The following FANCI variants were observed in gnomAD, a reference collection of about 807,000 sequenced individuals.
FANCI encodes FA complementation group I, also known as Fanconi anemia group I protein.
FANCI carries 156 observed loss-of-function variants against 176.1 expected under a neutral mutation model. The ratio of observed to expected loss-of-function variants is 0.89; its 90% CI spans 0.78 to 1.01. The LOEUF is 1.01. FANCI is among the 50% of genes least tolerant of loss of function. The pLI is 0.00. For synonymous variants in FANCI, 613 were observed against 541.7 expected (o/e 1.13, Z -1.83); for missense variants, 1,678 against 1,534.1 (o/e 1.09, Z -1.57).
intron 24 of FANCI, among the ~76,000 whole-genome samples, chr15:89,298,674 GAGA>G (rs1190585652): frequency 1.3e-5 from 2 of 152,192 alleles, no homozygotes; most frequent in African/African-American, 4.8e-5. Flanking sequence ...CTGGTTCTTT[GAGA>G]AGATCAATAA....
At chr15:89,282,054 C>T (rs2053634501) in intron 16 of FANCI, 1 of 526,908 alleles carries the variant, frequency 1.9e-6, no homozygotes, top group Admixed American at 3.1e-5. Context: ...ATTGCAATTC[C>T]CATTTTACAG....
chr15:89,314,483 C>T, intron 35 of FANCI, 129 bp from the exon 36 acceptor site: 2 of 751,102 alleles, frequency 2.7e-6, no homozygotes, highest in Non-Finnish European at 2.3e-6. Context: ...TACTGGTATA[C>T]AACTGCATTT....
chr15:89,305,046 G>A (rs2054664654), intron 28 of FANCI, 69 bp from the exon 29 acceptor site: 6 of 1,593,128 alleles, frequency 3.8e-6, no homozygotes, highest in Non-Finnish European at 5.1e-6. Flanking sequence ...AAAGTGCTGG[G>A]ATTACAGGCG....
chr15:89,290,901 T>A (rs1389116508), intron 19 of FANCI, among the ~76,000 whole-genome samples: 1 of 152,202 alleles, frequency 6.6e-6, no homozygotes, highest in Non-Finnish European at 1.5e-5. Context: ...TCCCATACTG[T>A]CCATCAAAAG....
chr15:89,260,583 C>G, intron 3 of FANCI, 130 bp from the exon 4 acceptor site: 1 of 1,223,200 alleles, frequency 8.2e-7, no homozygotes, highest in Non-Finnish European at 1.2e-6. Flanking sequence ...CATTGCTGTT[C>G]TAAGCACCGT....
intron 14 of FANCI, 21 bp downstream of exon 14, chr15:89,278,795 GA>G: frequency 6.3e-7 from 1 of 1,583,988 alleles, no homozygotes; most frequent in Non-Finnish European, 8.7e-7. Context: ...TTGAAAGAAT[GA>G]ATAAAGTTTT....
At chr15:89,306,302 C>A in intron 32 of FANCI, 108 bp downstream of exon 32, 2 of 1,103,446 alleles carry the variant, frequency 1.8e-6, no homozygotes, top group African/African-American at 1.5e-5. Context: ...AACAAGAGAG[C>A]ATTTGCCTCC....
At chr15:89,293,639 G>A (rs986889381) in intron 22 of FANCI, among the ~76,000 whole-genome samples, 194 bp from the exon 23 acceptor site, 5 of 152,154 alleles carry the variant, frequency 3.3e-5, no homozygotes, top group Non-Finnish European at 7.3e-5. Context: ...AGTGAGCCAA[G>A]GTCACACCAG....
intron 34 of FANCI, chr15:89,308,244 T>C: frequency 1.1e-6 from 1 of 916,818 alleles, no homozygotes; most frequent in South Asian, 5.0e-5. Flanking sequence ...CATTTTGGGA[T>C]GTTGAGTAGC....
intron 32 of FANCI, among the ~76,000 whole-genome samples, chr15:89,307,167 CCTCTT>C (rs1567175326): frequency 6.6e-6 from 1 of 152,146 alleles, no homozygotes; most frequent in Non-Finnish European, 1.5e-5. Flanking sequence ...ATACTGAGAG[CCTCTT>C]CTCTTTATTG....
intron 27 of FANCI, among the ~76,000 whole-genome samples, chr15:89,302,795 G>A (rs1359738281): frequency 2.6e-5 from 4 of 152,074 alleles, no homozygotes; most frequent in Non-Finnish European, 4.4e-5. Context: ...GGATGATCTC[G>A]ATCTCCTGAC....
intron 6 of FANCI, among the ~76,000 whole-genome samples, chr15:89,263,071 A>G (rs1225428083): frequency 6.6e-6 from 1 of 152,220 alleles, no homozygotes. Context: ...TTTTATAAGC[A>G]TGTACATGGC....
chr15:89,288,937 G>A lies in FANCI; in HGVS notation c.1822-1276G>A, dbSNP rs142181273. Among the ~76,000 whole-genome samples, 306 of 151,690 alleles carry A rather than the reference G, an allele frequency of 2.0e-3. 1 individual carries two copies. The highest frequency in any genetic ancestry group is 6.8e-3 in the Middle Eastern group (2 of 294). On this transcript the variant is annotated intron_variant, in intron 18 of 37. Transcript: ENST00000310775. ...ATTAAAAGCATGAGCTACCGTGCCC[G>A]GCCCATCTTTATTATTATTTTATCT...
Position 89,261,668 on chromosome 15 carries a change from A to G in FANCI, c.372A>G (p.Gly124=), listed in dbSNP as rs2151268209. Residue 124 remains glycine, a synonymous_variant, in exon 5 of 38, where the codon GGA becomes GGG. Coordinates refer to ENST00000310775, the MANE Select transcript of FANCI (RefSeq NM_001113378.2). ...TCAGAGAAGGCAGCCTAGTGAATGGAAAATCTTTGGAGTTACTACCTATCA... is the reference window on the plus strand; with the variant it reads ...TCAGAGAAGGCAGCCTAGTGAATGGGAAATCTTTGGAGTTACTACCTATCA... ...SAVREGSLVN[G]KSLELLPIIL... 1.2e-6 allele frequency: 2 copies of G among 1,614,156 alleles called. No individual in the cohort carries two copies. Among genetic ancestry groups the G allele is most frequent in the South Asian group, 2.2e-5 (2 of 91,078 alleles).
intron 10 of FANCI, among the ~76,000 whole-genome samples, chr15:89,270,304 CT>C (rs750933508): frequency 6.6e-6 from 1 of 152,104 alleles, no homozygotes; most frequent in Non-Finnish European, 1.5e-5. Flanking sequence ...GAATCATTTG[CT>C]TTTAAGAAAA....
intron 3 of FANCI, among the ~76,000 whole-genome samples, chr15:89,260,379 T>C (rs558021336): frequency 1.3e-4 from 20 of 152,316 alleles, no homozygotes; most frequent in African/African-American, 4.6e-4. Context: ...GTTTTGATTT[T>C]AAAGAACGAT....
chr15:89,313,845 T>C (rs1472403743), intron 35 of FANCI, among the ~76,000 whole-genome samples: 1 of 151,932 alleles, frequency 6.6e-6, no homozygotes, highest in African/African-American at 2.4e-5. Flanking sequence ...CTCTCTGGAA[T>C]TATCTCCAAG....
chr15:89,285,306 T>C (rs566720194), intron 18 of FANCI, 88 bp downstream of exon 18: 10 of 1,519,796 alleles, frequency 6.6e-6, no homozygotes, highest in Non-Finnish European at 8.1e-6. Context: ...AAAAGTACAA[T>C]AGCTATGCTC....
At chr15:89,281,918 A>G in intron 16 of FANCI, 83 bp downstream of exon 16, 1 of 1,222,316 alleles carries the variant, frequency 8.2e-7, no homozygotes, top group South Asian at 1.2e-5. Context: ...TCCTAGTACC[A>G]CCTGTTCACA....
Sources: allele counts gnomAD v4.1 joint callset (sites outside exome capture counted in the v4.1 genomes callset), GRCh38; gene constraint gnomAD v4.1.1; transcripts MANE v1.5; gene names NCBI Gene and HGNC (gene_info 2026-07-23, HGNC 2026-07-21).